Variants in HECW2 observed in about 807,000 individuals in gnomAD.
HECW2 encodes HECT, C2 and WW domain containing E3 ubiquitin protein ligase 2, also known as E3 ubiquitin-protein ligase HECW2.
A neutral mutation model predicts 175.2 loss-of-function variants in HECW2; 61 were observed. The ratio of observed to expected loss-of-function variants is 0.35; its 90% CI spans 0.28 to 0.43. The LOEUF (loss-of-function observed/expected upper bound fraction) is 0.43, where lower values mean the gene tolerates loss of function less well. HECW2 is among the 20% of genes least tolerant of loss of function. The pLI, the probability that HECW2 is intolerant of heterozygous loss-of-function variation, is 1.00. For synonymous variants in HECW2, 671 were observed against 731.0 expected (o/e 0.92, Z 1.32); for missense variants, 1,524 against 2,000.5 (o/e 0.76, Z 4.54).
chr2:196,305,309 G>A (rs990127626), intron 13 of HECW2, among the ~76,000 whole-genome samples: 6 of 152,104 alleles, frequency 3.9e-5, no homozygotes, highest in Non-Finnish European at 5.9e-5. Flanking sequence ...CATGTTATTC[G>A]TTGCTTACTC....
intron 1 of HECW2, among the ~76,000 whole-genome samples, chr2:196,463,356 T>G (rs188975520): frequency 1.4e-5 from 2 of 147,178 alleles, no homozygotes; most frequent in Admixed American, 1.4e-4. Flanking sequence ...CAATGTAGAT[T>G]CGTCACGCAA....
At chr2:196,540,725 C>T (rs1177214332) in intron 1 of HECW2, among the ~76,000 whole-genome samples, 1 of 152,178 alleles carries the variant, frequency 6.6e-6, no homozygotes, top group Non-Finnish European at 1.5e-5. Flanking sequence ...GCATCAGCCA[C>T]TGCACCTGGT....
At chr2:196,215,786 A>G in intron 28 of HECW2, 79 bp downstream of exon 28, 1 of 970,190 alleles carries the variant, frequency 1.0e-6, no homozygotes, top group Non-Finnish European at 1.6e-6. Flanking sequence ...ATATAAAAGC[A>G]GTAATTAATC....
At chr2:196,449,810 T>C (rs1325960229) in intron 1 of HECW2, among the ~76,000 whole-genome samples, 1 of 151,778 alleles carries the variant, frequency 6.6e-6, no homozygotes, top group Non-Finnish European at 1.5e-5. Context: ...ACTACACACT[T>C]ATCCATTACC....
At chr2:196,494,449 A>G (rs973871170) in intron 1 of HECW2, among the ~76,000 whole-genome samples, 1 of 152,224 alleles carries the variant, frequency 6.6e-6, no homozygotes, top group Non-Finnish European at 1.5e-5. Flanking sequence ...GATATTTTCA[A>G]GGGGTAGAAT....
intron 1 of HECW2, among the ~76,000 whole-genome samples, chr2:196,469,593 A>G (rs1697113188): frequency 6.6e-6 from 1 of 152,108 alleles, no homozygotes; most frequent in South Asian, 2.1e-4. Flanking sequence ...AGTATGTTTT[A>G]TGATCTTGAG....
rs1283790023 is a variant in HECW2 at position 196,199,793 on chromosome 2, T to G, written c.*1484A>C. On this transcript the variant is annotated 3_prime_UTR_variant, in exon 29 of 29. Transcript: ENST00000644978. ...AATGAAGAATACCTTCTCATAAAAT[T>G]AAGCAGAAGTAAGACTAGTGATGTC... 2 of 152,154 alleles carry G rather than the reference T, an allele frequency of 1.3e-5. No homozygotes were observed. The highest frequency in any genetic ancestry group is 2.4e-5 in the African/African-American group (1 of 41,442). 9.4% of individuals were successfully genotyped at this position (152,154 alleles called of 1,614,324 possible). A position where few individuals can be genotyped will look rare whatever the true frequency, so the allele number is the denominator to read the frequency against.
chr2:196,275,907 T>C (rs1015806928), intron 15 of HECW2, among the ~76,000 whole-genome samples: 1 of 152,216 alleles, frequency 6.6e-6, no homozygotes, highest in African/African-American at 2.4e-5. Flanking sequence ...TGAAGGAATA[T>C]AAGACAGTGG....
chr2:196,324,950 C>G (rs1229647726), intron 6 of HECW2, 30 bp downstream of exon 6: 1 of 1,521,254 alleles, frequency 6.6e-7, no homozygotes, highest in East Asian at 2.3e-5. Flanking sequence ...TCCTCACCAT[C>G]AAGTAGGAGA....
At chr2:196,397,736 T>G (rs1694709960) in intron 2 of HECW2, among the ~76,000 whole-genome samples, 1 of 152,206 alleles carries the variant, frequency 6.6e-6, no homozygotes, top group Admixed American at 6.5e-5. Flanking sequence ...CCCTTGGAAG[T>G]TGTTAAATTC....
intron 3 of HECW2, among the ~76,000 whole-genome samples, chr2:196,343,073 T>A (rs960835408): frequency 6.7e-6 from 1 of 148,988 alleles, no homozygotes; most frequent in Non-Finnish European, 1.5e-5. Context: ...TGTATGTTTG[T>A]GTGTGTGTGT....
chr2:196,461,775 A>G (rs953544973), intron 1 of HECW2, among the ~76,000 whole-genome samples: 19 of 152,208 alleles, frequency 1.2e-4, no homozygotes, highest in African/African-American at 4.3e-4. Context: ...AACCCACTCA[A>G]CGTCATGAGA....
intron 2 of HECW2, among the ~76,000 whole-genome samples, chr2:196,396,169 A>C (rs1694656612): frequency 6.6e-6 from 1 of 152,226 alleles, no homozygotes; most frequent in African/African-American, 2.4e-5. Context: ...AGAGTAATCA[A>C]ATTCATAGAG....
In HECW2 at chr2:196,324,223, ATG is replaced by A. The variant is rs1397424231; in HGVS notation, c.741+755_741+756del. 5.3e-5 allele frequency among the ~76,000 whole-genome samples: 8 copies of A among 152,316 alleles called. No individual in the cohort carries two copies. The East Asian group carries it at 1.5e-3, about 29-fold the overall frequency. On this transcript the variant is annotated intron_variant, in intron 6 of 28. Transcript: ENST00000644978. ...GCCCAGAAAGATTTTCACACTAGTT[ATG>A]TAAAACATGCCTCAGATCTCCAAGA...
intron 13 of HECW2, among the ~76,000 whole-genome samples, chr2:196,303,613 A>T (rs769394128): frequency 6.6e-6 from 1 of 152,132 alleles, no homozygotes; most frequent in Non-Finnish European, 1.5e-5. Context: ...CATAGATTCA[A>T]TTTCATCCTG....
intron 1 of HECW2, among the ~76,000 whole-genome samples, chr2:196,440,577 T>C (rs1696009176): frequency 6.6e-6 from 1 of 152,186 alleles, no homozygotes. Context: ...GGAAAACCAG[T>C]GTTACTCAAT....
chr2:196,231,728 C>T (rs1052284671), intron 21 of HECW2, among the ~76,000 whole-genome samples: 71 of 152,296 alleles, frequency 4.7e-4, no homozygotes, highest in Non-Finnish European at 8.4e-4. Context: ...GTGGCTCACG[C>T]CTGTAATCCC....
intron 2 of HECW2, among the ~76,000 whole-genome samples, chr2:196,355,905 T>C (rs1043406497): frequency 9.9e-5 from 15 of 152,064 alleles, no homozygotes; most frequent in African/African-American, 3.6e-4. Flanking sequence ...TTACATAGGT[T>C]GGTCAGGGAA....
chr2:196,373,988 C>T (rs1324327567), intron 2 of HECW2, among the ~76,000 whole-genome samples: 1 of 151,018 alleles, frequency 6.6e-6, no homozygotes, highest in African/African-American at 2.4e-5. Flanking sequence ...GCCGAGATCC[C>T]GCCACTGCAC....
Sources: allele counts gnomAD v4.1 joint callset (sites outside exome capture counted in the v4.1 genomes callset), GRCh38; gene constraint gnomAD v4.1.1; transcripts MANE v1.5; gene names NCBI Gene and HGNC (gene_info 2026-07-23, HGNC 2026-07-21).